The following DCDC1 variants were observed in gnomAD, a reference collection of about 807,000 sequenced individuals.
DCDC1 encodes the protein doublecortin domain-containing protein 1.
In DCDC1, 200 loss-of-function variants were observed where a neutral mutation model predicts 178.3. The ratio of observed to expected loss-of-function variants is 1.12; its 90% CI spans 1.00 to 1.26. The LOEUF is 1.26. DCDC1 is among the 50% of genes most tolerant of loss of function. DCDC1 has a pLI of 0.00. For synonymous variants in DCDC1, 690 were observed against 604.8 expected, an observed-to-expected ratio of 1.14 and a Z score of -2.07; for missense variants, 1,983 against 1,749.2, an observed-to-expected ratio of 1.13 and a Z score of -2.38.
intron 36 of DCDC1, among the ~76,000 whole-genome samples, chr11:30,883,915 A>G (rs1294417341): frequency 6.6e-6 from 1 of 152,156 alleles, no homozygotes; most frequent in Non-Finnish European, 1.5e-5. Context: ...CCTGCTACAA[A>G]AGTAATCAGA....
intron 7 of DCDC1, among the ~76,000 whole-genome samples, chr11:31,288,434 C>T (rs1016506939): frequency 3.9e-5 from 6 of 151,918 alleles, no homozygotes; most frequent in Admixed American, 2.6e-4. Context: ...GCCCTCATTT[C>T]AAACTTCTTA....
chr11:30,906,701 C>T lies in DCDC1; in HGVS notation c.3943G>A (p.Gly1315Arg). Residue 1315 changes from glycine to arginine, a missense_variant, in exon 30 of 39, where the codon GGA becomes AGA. Coordinates refer to ENST00000684477, the MANE Select transcript of DCDC1 (RefSeq NM_001387274.1). Reference sequence around the variant, plus strand: ...AAGCAGAGCATAGTTTTTCTCTTTCCATCAGGTGAGAGATAACAGTATCCC... The same window carrying T: ...AAGCAGAGCATAGTTTTTCTCTTTCTATCAGGTGAGAGATAACAGTATCCC... ...QPGYCYLSPDGKRKTMLCLAC... is the reference protein window; with the variant it reads ...QPGYCYLSPDRKRKTMLCLAC... The T allele has an allele frequency of 6.2e-7, 1 of 1,613,326 alleles. No individual in the cohort carries two copies. The highest frequency in any genetic ancestry group is 8.5e-7 in the Non-Finnish European group (1 of 1,179,556).
chr11:31,248,675 A>G (rs1245999079), intron 8 of DCDC1, among the ~76,000 whole-genome samples: 1 of 152,150 alleles, frequency 6.6e-6, no homozygotes, highest in Non-Finnish European at 1.5e-5. Context: ...AGAGATTTAT[A>G]CTTTAAATGT....
intron 9 of DCDC1, among the ~76,000 whole-genome samples, chr11:31,214,181 G>A (rs1158273050): frequency 1.3e-5 from 2 of 152,048 alleles, no homozygotes; most frequent in Non-Finnish European, 2.9e-5. Flanking sequence ...CTGTTGTACT[G>A]TTGCAAACAA....
intron 8 of DCDC1, among the ~76,000 whole-genome samples, chr11:31,252,098 C>G (rs914318452): frequency 6.6e-6 from 1 of 152,128 alleles, no homozygotes; most frequent in Non-Finnish European, 1.5e-5. Flanking sequence ...AGTGAGCTTG[C>G]AGACTCCACT....
intron 36 of DCDC1, chr11:30,883,545 A>T: frequency 2.4e-6 from 1 of 410,014 alleles, no homozygotes; most frequent in Non-Finnish European, 4.9e-6. Flanking sequence ...TTTATGAACA[A>T]TATGACTAAG....
intron 8 of DCDC1, among the ~76,000 whole-genome samples, chr11:31,256,676 G>C (rs1367943311): frequency 6.6e-6 from 1 of 152,144 alleles, no homozygotes; most frequent in Non-Finnish European, 1.5e-5. Context: ...GGGTCATGTA[G>C]TTGAATATAC....
chr11:31,037,950 T>G (rs1055835291), intron 20 of DCDC1, among the ~76,000 whole-genome samples: 1 of 151,892 alleles, frequency 6.6e-6, no homozygotes, highest in African/African-American at 2.4e-5. Context: ...TTAAGTCTTA[T>G]TGTTCAATTC....
At chr11:30,967,572 C>A (rs1003300088) in intron 20 of DCDC1, among the ~76,000 whole-genome samples, 2 of 152,142 alleles carry the variant, frequency 1.3e-5, no homozygotes, top group Admixed American at 1.3e-4. Flanking sequence ...GGTAAAGGCT[C>A]CTGGGGCCTG....
At position 30,898,824 on chromosome 11, in the gene DCDC1, C is replaced by T. The variant is rs80244053; in HGVS notation, c.4765+717G>A. Among the ~76,000 whole-genome samples, 58 of 152,268 alleles carry T rather than the reference C, an allele frequency of 3.8e-4. 1 individual carries two copies. In the East Asian group the frequency reaches 8.7e-3, roughly 23 times the overall value. On this transcript the variant is annotated intron_variant, in intron 34 of 38. Transcript: ENST00000684477. ...TTCATATGCTTTTAACACAAGACAG[C>T]ATCAGGAGTTGAAATTCTGCTATGG...
At chr11:31,311,289 G>A (rs1948759355) in intron 3 of DCDC1, among the ~76,000 whole-genome samples, 1 of 152,188 alleles carries the variant, frequency 6.6e-6, no homozygotes, top group Admixed American at 6.5e-5. Flanking sequence ...AGATAGGACA[G>A]CAGGATGCAC....
In DCDC1 at chr11:30,910,124, T is replaced by C. The variant is rs1945340224; in HGVS notation, c.3748-1008A>G. ...TTAACCTGTGATGCTTCATTTTTAT[T>C]ATTTTACATGAACTTTAATATTTTC... On this transcript the variant is annotated intron_variant, in intron 28 of 38. Coordinates refer to ENST00000684477, the MANE Select transcript of DCDC1 (RefSeq NM_001387274.1). Among the ~76,000 whole-genome samples, 2 of 152,204 alleles carry C rather than the reference T, an allele frequency of 1.3e-5. 1 individual carries two copies. Among genetic ancestry groups the C allele is most frequent in the South Asian group, 4.1e-4 (2 of 4,832 alleles).
intron 20 of DCDC1, among the ~76,000 whole-genome samples, chr11:31,039,082 T>C (rs1414960512): frequency 6.6e-6 from 1 of 152,144 alleles, no homozygotes; most frequent in East Asian, 1.9e-4. Flanking sequence ...CTGTGGATAG[T>C]TATGTATTAA....
chr11:31,194,766 T>C (rs1207735117), intron 9 of DCDC1, among the ~76,000 whole-genome samples: 2 of 152,118 alleles, frequency 1.3e-5, no homozygotes, highest in African/African-American at 4.8e-5. Context: ...ACTTCATTTC[T>C]TATCATTTTC....
chr11:31,186,787 C>A (rs1258026965), intron 9 of DCDC1, among the ~76,000 whole-genome samples: 5 of 152,198 alleles, frequency 3.3e-5, no homozygotes, highest in African/African-American at 1.2e-4. Context: ...CCCTTCCATG[C>A]CATTCTGAGA....
chr11:30,938,881 G>A (rs904284594), intron 21 of DCDC1, among the ~76,000 whole-genome samples: 1 of 152,058 alleles, frequency 6.6e-6, no homozygotes, highest in South Asian at 2.1e-4. Context: ...TTGTTCCCTA[G>A]GCCTAGAATT....
At chr11:30,901,886 T>C (rs1353969227) in intron 32 of DCDC1, among the ~76,000 whole-genome samples, 3 of 152,062 alleles carry the variant, frequency 2.0e-5, no homozygotes, top group Non-Finnish European at 4.4e-5. Flanking sequence ...TACACAAAAG[T>C]GATAAGTAAT....
At chr11:30,946,039 A>G (rs1948031638) in intron 21 of DCDC1, among the ~76,000 whole-genome samples, 1 of 152,102 alleles carries the variant, frequency 6.6e-6, no homozygotes, top group African/African-American at 2.4e-5. Flanking sequence ...GTTTCCTTTC[A>G]GAGATACACT....
In DCDC1 at chr11:30,947,273, T is replaced by C. The variant is rs1948109179; in HGVS notation, c.2715+5172A>G. ...AAGGTCTTGTGTGCACCTAATCAGA[T>C]TTCTATAAGGAACAGAGTGAAGCAT... On this transcript the variant is annotated intron_variant, in intron 21 of 38. Transcript: ENST00000684477. Among the ~76,000 whole-genome samples, 4 of 152,178 alleles carry C rather than the reference T, an allele frequency of 2.6e-5. No homozygotes were observed. In the South Asian group the frequency reaches 8.3e-4, roughly 31 times the overall value.
Sources: gnomAD v4.1 joint callset for allele counts (sites outside exome capture counted in the v4.1 genomes callset) on GRCh38, gnomAD v4.1.1 for gene constraint, MANE v1.5 for transcripts, NCBI Gene and HGNC (gene_info 2026-07-23, HGNC 2026-07-21) for gene names.